Variants in FHIT observed in about 807,000 individuals in gnomAD.
FHIT encodes bis(5'-adenosyl)-triphosphatase.
FHIT carries 19 observed loss-of-function variants against 17.9 expected under a neutral mutation model. The ratio of observed to expected loss-of-function variants is 1.06; its 90% CI spans 0.74 to 1.56. The LOEUF is 1.56. FHIT is among the 40% of genes most tolerant of loss of function. FHIT has a pLI of 0.00. For missense variants in FHIT, 248 were observed against 189.2 expected, an observed-to-expected ratio of 1.31 and a Z score of -1.82; for synonymous variants, 81 against 69.7, an observed-to-expected ratio of 1.16 and a Z score of -0.81.
intron 5 of FHIT, among the ~76,000 whole-genome samples, chr3:60,248,184 G>C (rs181727442): frequency 6.6e-6 from 1 of 152,182 alleles, no homozygotes; most frequent in African/African-American, 2.4e-5. Context: ...TTCCCCCTAA[G>C]AGTTCAAAAT....
rs554542029 is a variant in FHIT, at chr3:59,920,316, G to C, written c.348+2030C>G. ...ACCACAATTTCCCTTAGTGGATACT[G>C]TCTATACTACATATGACTTATACCA... On this transcript the variant is annotated intron_variant, in intron 8 of 9. Transcript: ENST00000492590. Among the ~76,000 whole-genome samples, 4 of 152,324 alleles carry C rather than the reference G, an allele frequency of 2.6e-5. No individual in the cohort carries two copies. The East Asian group carries it at 7.7e-4, about 29-fold the overall frequency.
intron 3 of FHIT, among the ~76,000 whole-genome samples, chr3:60,952,538 T>G (rs1274751590): frequency 1.3e-5 from 2 of 152,060 alleles, no homozygotes; most frequent in African/African-American, 2.4e-5. Flanking sequence ...CATAGGGTAG[T>G]GAAGAGTGGG....
chr3:59,979,906 A>C (rs2107426171), intron 7 of FHIT, among the ~76,000 whole-genome samples: 1 of 152,320 alleles, frequency 6.6e-6, no homozygotes, highest in East Asian at 1.9e-4. Context: ...CTGGGAGATG[A>C]AACAGTAGCT....
chr3:60,801,628 G>T (rs1553732317), intron 4 of FHIT, among the ~76,000 whole-genome samples: 1 of 152,208 alleles, frequency 6.6e-6, no homozygotes, highest in Admixed American at 6.5e-5. Context: ...TACAGACCAA[G>T]GTTATGCAAA....
At chr3:59,930,055 A>G (rs1352654664) in intron 7 of FHIT, among the ~76,000 whole-genome samples, 3 of 152,194 alleles carry the variant, frequency 2.0e-5, no homozygotes, top group East Asian at 1.9e-4. Context: ...AAAACCTGCT[A>G]GAGAACTCTG....
intron 5 of FHIT, among the ~76,000 whole-genome samples, chr3:60,159,540 C>T (rs758177857): frequency 6.6e-5 from 10 of 152,160 alleles, no homozygotes; most frequent in Admixed American, 1.3e-4. Flanking sequence ...GAAGAGTCTA[C>T]CACAATACGT....
chr3:60,802,211 T>G (rs2106668133), intron 4 of FHIT, among the ~76,000 whole-genome samples: 1 of 152,336 alleles, frequency 6.6e-6, no homozygotes, highest in African/African-American at 2.4e-5. Context: ...GTGGAATCAT[T>G]AATGATTTAT....
intron 5 of FHIT, among the ~76,000 whole-genome samples, chr3:60,412,091 T>C (rs1336871791): frequency 6.6e-6 from 1 of 151,996 alleles, no homozygotes; most frequent in East Asian, 1.9e-4. Context: ...TTTTAAAAAG[T>C]AAACAGGACA....
chr3:60,029,350 G>A (rs538568767), intron 5 of FHIT, among the ~76,000 whole-genome samples: 174 of 152,198 alleles, frequency 1.1e-3, no homozygotes, highest in African/African-American at 4.0e-3. Context: ...AAAAATATTG[G>A]GTGGGGCAAA....
intron 2 of FHIT, among the ~76,000 whole-genome samples, chr3:61,102,847 G>T (rs1056899520): frequency 3.1e-4 from 47 of 152,274 alleles, no homozygotes; most frequent in African/African-American, 1.0e-3. Context: ...GCATAGAGGT[G>T]TTTATAGTAC....
At chr3:60,781,143 A>C (rs1311137183) in intron 4 of FHIT, among the ~76,000 whole-genome samples, 1 of 152,226 alleles carries the variant, frequency 6.6e-6, no homozygotes, top group Non-Finnish European at 1.5e-5. Flanking sequence ...GCCAAAGCAC[A>C]TAAGTGGAGA....
At chr3:59,775,748 C>T (rs757613427) in intron 8 of FHIT, among the ~76,000 whole-genome samples, 23 of 152,058 alleles carry the variant, frequency 1.5e-4, no homozygotes, top group East Asian at 1.2e-3. Context: ...ATCAGATGAA[C>T]GCTTTAAATG....
chr3:60,627,768 C>T (rs933585572), intron 4 of FHIT, among the ~76,000 whole-genome samples: 3 of 152,194 alleles, frequency 2.0e-5, no homozygotes, highest in Non-Finnish European at 4.4e-5. Flanking sequence ...GTGATCCGCC[C>T]ACCTCAGCCT....
intron 5 of FHIT, among the ~76,000 whole-genome samples, chr3:60,021,754 C>T (rs1298101173): frequency 6.6e-6 from 1 of 152,168 alleles, no homozygotes; most frequent in Non-Finnish European, 1.5e-5. Context: ...GCATGTGCTA[C>T]AACACTGTTA....
At chr3:59,959,807 A>C (rs1707579680) in intron 7 of FHIT, among the ~76,000 whole-genome samples, 1 of 152,184 alleles carries the variant, frequency 6.6e-6, no homozygotes. Context: ...CCTATGACAA[A>C]GATCTGGATT....
intron 8 of FHIT, among the ~76,000 whole-genome samples, chr3:59,792,686 C>T (rs1457193062): frequency 6.6e-6 from 1 of 152,144 alleles, no homozygotes; most frequent in Non-Finnish European, 1.5e-5. Context: ...TGTATATTAA[C>T]TGTCATTGTG....
At chr3:60,588,172 A>G (rs1452040252) in intron 4 of FHIT, among the ~76,000 whole-genome samples, 3 of 152,054 alleles carry the variant, frequency 2.0e-5, no homozygotes, top group Admixed American at 6.6e-5. Context: ...TCTGGGTCTC[A>G]TTACAAGCTG....
chr3:60,322,041 A>G (rs1054009291), intron 5 of FHIT, among the ~76,000 whole-genome samples: 1 of 152,196 alleles, frequency 6.6e-6, no homozygotes, highest in African/African-American at 2.4e-5. Flanking sequence ...ATATTCATCC[A>G]TGCTTCTCAA....
intron 5 of FHIT, among the ~76,000 whole-genome samples, chr3:60,053,888 T>C (rs963492782): frequency 2.2e-4 from 33 of 152,174 alleles, no homozygotes; most frequent in African/African-American, 7.7e-4. Context: ...CTTAAAAATA[T>C]ACAGACAGAC....
Sources: gnomAD v4.1 joint callset for allele counts (sites outside exome capture counted in the v4.1 genomes callset) on GRCh38, gnomAD v4.1.1 for gene constraint, MANE v1.5 for transcripts, NCBI Gene and HGNC (gene_info 2026-07-23, HGNC 2026-07-21) for gene names.